Variants in CHRNA4 observed in about 807,000 individuals in gnomAD.
CHRNA4 encodes the protein cholinergic receptor nicotinic alpha 4 subunit.
Under a neutral mutation model 48.9 loss-of-function variants are expected in CHRNA4, and 28 were observed. The ratio of observed to expected loss-of-function variants is 0.57; its 90% CI spans 0.42 to 0.79. The LOEUF is 0.79. Among genes scored for constraint, CHRNA4 ranks in the 30% least tolerant of loss-of-function variants. The probability of loss-of-function intolerance (pLI) is 0.00; values close to 1 mark genes in which losing one functional copy is unlikely to be tolerated. For synonymous variants in CHRNA4, 425 were observed against 402.3 expected (o/e 1.06, Z -0.68); for missense variants, 859 against 898.4 (o/e 0.96, Z 0.56).
intron 4 of CHRNA4, 75 bp from the exon 5 acceptor site, chr20:63,351,102 C>A (rs1361572270): frequency 2.0e-6 from 3 of 1,515,282 alleles, no homozygotes; most frequent in African/African-American, 2.8e-5. Context: ...CACTGCCACA[C>A]CCATGCCCAC....
In CHRNA4 at chr20:63,361,113, A is replaced by AGCAGCAGCAGCGGCG. The variant is rs771936944; in HGVS notation, c.38_52dup (p.Pro13_Leu17dup). 1.8e-5 allele frequency: 27 copies of AGCAGCAGCAGCGGCG among 1,476,870 alleles called. 1 individual carries two copies. The highest frequency in any genetic ancestry group is 7.7e-5 in the South Asian group (6 of 78,006). The allele number at this position is 1,476,870 out of a possible 1,614,324, so 91.5% of individuals were successfully genotyped here. A position where few individuals can be genotyped will look rare whatever the true frequency, so the allele number is the denominator to read the frequency against. On this transcript the variant is annotated inframe_insertion, in exon 1 of 6. Transcript: ENST00000370263. ...ACCGCGCAGGAGGCCGGTCCCCAGA[A>AGCAGCAGCAGCGGCG]GCAGCAGCAGCGGCGGCAGCAGCCG... is the stretch of plus-strand genomic sequence containing the variant.
chr20:63,347,317 G>A (rs1047910010), intron 5 of CHRNA4, among the ~76,000 whole-genome samples: 1 of 152,144 alleles, frequency 6.6e-6, no homozygotes, highest in African/African-American at 2.4e-5. Flanking sequence ...GGCCCGGTGG[G>A]CGCACAGAGG....
rs199714054 is a variant in CHRNA4 at position 63,359,507 on chromosome 20, C to T, written c.228+41G>A. 2.0e-4 allele frequency: 316 copies of T among 1,611,520 alleles called. No individual in the cohort carries two copies. In the Admixed American group the frequency reaches 2.9e-3, roughly 15 times the overall value. On this transcript the variant is annotated intron_variant, in intron 2 of 5. Transcript: ENST00000370263. ...CCAGACCCCTGTGCTCCTTGCAGGGCGACCTCAGTCACAGTGCACGATGGC... is the reference window on the plus strand; with the variant it reads ...CCAGACCCCTGTGCTCCTTGCAGGGTGACCTCAGTCACAGTGCACGATGGC...
rs2068434584 is a variant in CHRNA4 at position 63,343,320 on chromosome 20, C to T, written c.*3418G>A. On this transcript the variant is annotated 3_prime_UTR_variant, in exon 6 of 6. Transcript: ENST00000370263. ...GCCTGCAGAAGCCGGGCGGCCGCACCTGGGCTCGGCGGGCCACACGGTCGG... is the reference window on the plus strand; with the variant it reads ...GCCTGCAGAAGCCGGGCGGCCGCACTTGGGCTCGGCGGGCCACACGGTCGG... The T allele has an allele frequency of 4.5e-6, 2 of 448,220 alleles. No homozygotes were observed. The highest frequency in any genetic ancestry group is 9.0e-6 in the Non-Finnish European group (2 of 222,170). 27.8% of individuals were successfully genotyped at this position (448,220 alleles called of 1,614,324 possible).
At chr20:63,349,422 G>A (rs950255970) in intron 5 of CHRNA4, 126 of 601,140 alleles carry the variant, frequency 2.1e-4, no homozygotes, top group Non-Finnish European at 3.2e-4. Context: ...AGACGGCACC[G>A]GGATCCACCC....
chr20:63,352,470 A>C (rs1263085886), intron 4 of CHRNA4, among the ~76,000 whole-genome samples: 1 of 152,174 alleles, frequency 6.6e-6, no homozygotes, highest in African/African-American at 2.4e-5. Flanking sequence ...AGGGAGACCC[A>C]GCAAGAGCCA....
chr20:63,350,158 G>T lies in CHRNA4; in HGVS notation c.1253C>A (p.Pro418His), dbSNP rs754895725. Reference sequence around the variant, plus strand: ...GGAGGGTGACTTGCAGGAAGGCCCAGGCTCAGCCGGCACATCCAGGGGGAC... The same window carrying T: ...GGAGGGTGACTTGCAGGAAGGCCCATGCTCAGCCGGCACATCCAGGGGGAC... ...FCVPLDVPAEPGPSCKSPSDQ... is the reference protein window; with the variant it reads ...FCVPLDVPAEHGPSCKSPSDQ... Residue 418 changes from proline to histidine, a missense_variant, in exon 5 of 6, where the codon CCT becomes CAT. Transcript: ENST00000370263. 1 of 1,582,040 alleles carries T rather than the reference G, an allele frequency of 6.3e-7. No homozygotes were observed. The highest frequency in any genetic ancestry group is 1.8e-5 in the Admixed American group (1 of 56,266).
chr20:63,356,548 G>A (rs1252973008), intron 2 of CHRNA4, 133 bp from the exon 3 acceptor site: 6 of 941,078 alleles, frequency 6.4e-6, no homozygotes, highest in Admixed American at 4.0e-5. Flanking sequence ...CCTGTGGAGG[G>A]GGTGAGTGCC....
chr20:63,357,154 C>T (rs1884818), intron 2 of CHRNA4, among the ~76,000 whole-genome samples: 280 of 76,362 alleles, frequency 3.7e-3, no homozygotes, highest in African/African-American at 0.013. Flanking sequence ...CACAGGACCA[C>T]GTCTCCACAG....
Position 63,350,972 on chromosome 20 carries a change from C to T in CHRNA4, c.439G>A (p.Gly147Arg), listed in dbSNP as rs780556996. 2.5e-6 allele frequency: 4 copies of T among 1,613,586 alleles called. No homozygotes were observed. Among genetic ancestry groups the T allele is most frequent in the East Asian group, 2.2e-5 (1 of 44,894 alleles). The change falls in exon 5 of 6, where the codon GGG becomes AGG. Residue 147 changes from glycine to arginine, a missense_variant. By Grantham distance (125) the Gly-to-Arg change is moderately radical. Transcript: ENST00000370263. ...GCCGGGGGAGTCCACTGCACCCGCC[C>T]GTCATGGAACAGGTGGGCCTTGGTC... ...HLTKAHLFHD[G>R]RVQWTPPAIY...
In CHRNA4 at chr20:63,356,663, C is replaced by T. The variant is rs539145738; in HGVS notation, c.229-248G>A. 61 of 580,618 alleles carry T rather than the reference C, an allele frequency of 1.1e-4. No homozygotes were observed. In the Admixed American group the frequency reaches 1.5e-3, roughly 15 times the overall value. 36.0% of individuals were successfully genotyped at this position (580,618 alleles called of 1,614,324 possible). ...CAGCAGGAAACTGGAGAGGAGTCGG[C>T]GGCCTCACAGGCTTCCCCAGCTAAG... On this transcript the variant is annotated intron_variant, in intron 2 of 5. Transcript: ENST00000370263.
rs780352863 is a variant in CHRNA4, at chr20:63,343,235, G to A, written c.*3503C>T. On this transcript the variant is annotated 3_prime_UTR_variant, in exon 6 of 6. Transcript: ENST00000370263. Reference sequence around the variant, plus strand: ...AGCACGGCACACGTGGTGACGGTGCGTTTTATTCATTGAAGTCTGTGCACA... The same window carrying A: ...AGCACGGCACACGTGGTGACGGTGCATTTTATTCATTGAAGTCTGTGCACA... The A allele has an allele frequency of 1.5e-5, 6 of 397,484 alleles. No individual in the cohort carries two copies. The highest frequency in any genetic ancestry group is 2.8e-5 in the Admixed American group (1 of 35,826). 24.6% of individuals were successfully genotyped at this position (397,484 alleles called of 1,614,324 possible).
At position 63,350,023 on chromosome 20, in the gene CHRNA4, G is replaced by A. The variant is rs1381116077; in HGVS notation, c.1388C>T (p.Ala463Val). 1 of 1,524,096 alleles carries A rather than the reference G, an allele frequency of 6.6e-7. No homozygotes were observed. The highest frequency in any genetic ancestry group is 2.1e-5 in the Admixed American group (1 of 48,198). The allele number at this position is 1,524,096 out of a possible 1,614,324, so 94.4% of individuals were successfully genotyped here. A position where few individuals can be genotyped will look rare whatever the true frequency, so the allele number is the denominator to read the frequency against. The part of the protein sequence containing the change: ...HGTQAPGLAK[A>V]RSLSVQHMSS... ...CATGTGCTGGACGCTGAGGGACCTG[G>A]CTTTGGCCAGCCCTGGTGCCTGGGT... Residue 463 changes from alanine to valine, a missense_variant, in exon 5 of 6, where the codon GCC (alanine) becomes GTC (valine). This residue lies in a region of CHRNA4 where 478 missense variants were observed against 455.4 expected (regional missense o/e 1.05). Transcript: ENST00000370263.
chr20:63,359,116 G>A (rs1166771181), intron 2 of CHRNA4, among the ~76,000 whole-genome samples: 1 of 152,224 alleles, frequency 6.6e-6, no homozygotes, highest in Admixed American at 6.5e-5. Context: ...TGTGGGTGAG[G>A]GGCCTCTGGG....
rs751163361 is a variant in CHRNA4 at position 63,346,878 on chromosome 20, G to A, written c.1759-15C>T. The A allele has an allele frequency of 1.6e-5, 25 of 1,611,942 alleles. No individual in the cohort carries two copies. The highest frequency in any genetic ancestry group is 5.0e-5 in the Admixed American group (3 of 59,982). Reference sequence around the variant, plus strand: ...TCCTCCTTCACCTGCAAGCACAGACGCCGTCACTCCAGCACGGCCCGGCCG... The same window carrying A: ...TCCTCCTTCACCTGCAAGCACAGACACCGTCACTCCAGCACGGCCCGGCCG... On this transcript the variant is annotated splice_polypyrimidine_tract_variant and intron_variant, in intron 5 of 5. Coordinates refer to ENST00000370263, the MANE Select transcript of CHRNA4 (RefSeq NM_000744.7).
At chr20:63,356,508 C>G in intron 2 of CHRNA4, 93 bp from the exon 3 acceptor site, 1 of 1,325,074 alleles carries the variant, frequency 7.5e-7, no homozygotes, top group East Asian at 2.5e-5. Context: ...CACAAGGACA[C>G]GGCCAGGGCA....
Position 63,345,707 on chromosome 20 carries a change from G to A in CHRNA4, c.*1031C>T, listed in dbSNP as rs1235708823. On this transcript the variant is annotated 3_prime_UTR_variant, in exon 6 of 6. Coordinates refer to ENST00000370263, the MANE Select transcript of CHRNA4 (RefSeq NM_000744.7). This position sits in a 1 kb window ranked among gnomAD's most constrained non-coding sequence, Gnocchi z 5.4. ...CATCTCCCAGGTGGAGGTCCTCAAGGATGCCCCCACCAGCTCCCCACAGCT... is the reference window on the plus strand; with the variant it reads ...CATCTCCCAGGTGGAGGTCCTCAAGAATGCCCCCACCAGCTCCCCACAGCT... 1 of 453,560 alleles carries A rather than the reference G, an allele frequency of 2.2e-6. No individual in the cohort carries two copies. Among genetic ancestry groups the A allele is most frequent in the South Asian group, 1.6e-5 (1 of 64,466 alleles). The allele number at this position is 453,560 out of a possible 1,614,324, so 28.1% of individuals were successfully genotyped here.
At chr20:63,355,228 G>A (rs1304355551) in intron 4 of CHRNA4, 2 of 336,730 alleles carry the variant, frequency 5.9e-6, no homozygotes, top group Non-Finnish European at 1.2e-5. Context: ...CAGATCTGCA[G>A]GAAGGACAAG....
intron 1 of CHRNA4, 130 bp from the exon 2 acceptor site, chr20:63,359,829 C>T (rs1392757545): frequency 2.6e-5 from 29 of 1,118,158 alleles, no homozygotes; most frequent in Non-Finnish European, 3.6e-5. Context: ...CACATGAGCC[C>T]TTCCCACCCC....
Sources: gnomAD v4.1 joint callset for allele counts (sites outside exome capture counted in the v4.1 genomes callset) on GRCh38, gnomAD v4.1.1 for gene constraint, gnomAD v4.1.1 regional missense constraint, Gnocchi (gnomAD v3.1) non-coding constraint, MANE v1.5 for transcripts, NCBI Gene and HGNC (gene_info 2026-07-23, HGNC 2026-07-21) for gene names.